Variants in ST6GALNAC3 observed in about 807,000 individuals in gnomAD.
ST6GALNAC3 encodes ST6 N-acetylgalactosaminide alpha-2,6-sialyltransferase 3.
A neutral mutation model predicts 32.7 loss-of-function variants in ST6GALNAC3; 25 were observed. The ratio of observed to expected loss-of-function variants is 0.76; its 90% CI spans 0.56 to 1.07. The LOEUF is 1.07. ST6GALNAC3 is among the 50% of genes least tolerant of loss of function. ST6GALNAC3 has a pLI of 0.00. For synonymous variants in ST6GALNAC3, 129 were observed against 133.1 expected, an observed-to-expected ratio of 0.97 and a Z score of 0.21; for missense variants, 355 against 382.4, an observed-to-expected ratio of 0.93 and a Z score of 0.60.
intron 3 of ST6GALNAC3, among the ~76,000 whole-genome samples, chr1:76,498,905 A>T (rs1001597441): frequency 6.6e-6 from 1 of 152,190 alleles, no homozygotes; most frequent in Non-Finnish European, 1.5e-5. Flanking sequence ...AAAAAGAAAG[A>T]TAAATTTGAT....
intron 1 of ST6GALNAC3, among the ~76,000 whole-genome samples, chr1:76,190,271 A>G (rs1453859359): frequency 1.3e-5 from 2 of 152,130 alleles, no homozygotes; most frequent in Non-Finnish European, 2.9e-5. Flanking sequence ...AGGCTCAGAG[A>G]TAGGAAGAAA....
At chr1:76,124,014 G>T (rs1649069541) in intron 1 of ST6GALNAC3, among the ~76,000 whole-genome samples, 1 of 151,898 alleles carries the variant, frequency 6.6e-6, no homozygotes, top group Non-Finnish European at 1.5e-5. Flanking sequence ...GCTTCCCAAA[G>T]TGTTGGGATT....
chr1:76,145,748 A>G (rs907529881), intron 1 of ST6GALNAC3, among the ~76,000 whole-genome samples: 1 of 152,190 alleles, frequency 6.6e-6, no homozygotes, highest in Non-Finnish European at 1.5e-5. Flanking sequence ...GATAAATAAG[A>G]ATTTACATGA....
chr1:76,196,576 C>T (rs1445554660), intron 1 of ST6GALNAC3, among the ~76,000 whole-genome samples: 1 of 151,940 alleles, frequency 6.6e-6, no homozygotes, highest in Non-Finnish European at 1.5e-5. Flanking sequence ...AGCGATTCTC[C>T]CACGTCAGCC....
intron 3 of ST6GALNAC3, among the ~76,000 whole-genome samples, chr1:76,571,678 G>C (rs1333193720): frequency 6.6e-6 from 1 of 152,078 alleles, no homozygotes; most frequent in Non-Finnish European, 1.5e-5. Context: ...CTATGCCTGA[G>C]TGAGTTGAGT....
At chr1:76,521,007 T>C (rs185824876) in intron 3 of ST6GALNAC3, among the ~76,000 whole-genome samples, 218 of 152,202 alleles carry the variant, frequency 1.4e-3, no homozygotes, top group Middle Eastern at 0.01. Context: ...TTCTTTCTTT[T>C]AGATTAATCA....
At chr1:76,216,749 G>A (rs1417872673) in intron 1 of ST6GALNAC3, among the ~76,000 whole-genome samples, 2 of 152,174 alleles carry the variant, frequency 1.3e-5, no homozygotes, top group Non-Finnish European at 2.9e-5. Context: ...AGTGTAATTT[G>A]TTTCTTCTGT....
chr1:76,180,696 A>C (rs894447891), intron 1 of ST6GALNAC3, among the ~76,000 whole-genome samples: 1 of 152,150 alleles, frequency 6.6e-6, no homozygotes, highest in Non-Finnish European at 1.5e-5. Flanking sequence ...AGAGCGCCTG[A>C]ATGTCAGCAG....
At chr1:76,215,182 G>A (rs552474067) in intron 1 of ST6GALNAC3, among the ~76,000 whole-genome samples, 1 of 152,246 alleles carries the variant, frequency 6.6e-6, no homozygotes, top group South Asian at 2.1e-4. Context: ...AGGGACCTTA[G>A]TAGACAAAAA....
intron 1 of ST6GALNAC3, among the ~76,000 whole-genome samples, chr1:76,125,590 C>G (rs982720910): frequency 6.6e-6 from 1 of 152,184 alleles, no homozygotes; most frequent in Non-Finnish European, 1.5e-5. Context: ...ACAAAGCATC[C>G]TTTGTCATCC....
At chr1:76,324,249 T>C (rs1238852497) in intron 2 of ST6GALNAC3, among the ~76,000 whole-genome samples, 1 of 152,182 alleles carries the variant, frequency 6.6e-6, no homozygotes, top group Non-Finnish European at 1.5e-5. Context: ...TAGATAAATA[T>C]ATTGTTTGGA....
In ST6GALNAC3 at chr1:76,630,866, G is replaced by A; in HGVS notation, c.*2060G>A. The stretch of plus-strand genomic sequence containing the variant: ...ATGCCCACTCAAAGAAAAATAAACA[G>A]AGACAAATGTTAAAATTGCCATACA... On this transcript the variant is annotated 3_prime_UTR_variant, in exon 5 of 5. Coordinates refer to ENST00000328299, the MANE Select transcript of ST6GALNAC3 (RefSeq NM_152996.4). 1.0e-6 allele frequency: 1 copy of A among 985,638 alleles called. No homozygotes were observed. Among genetic ancestry groups the A allele is most frequent in the Non-Finnish European group, 1.2e-6 (1 of 829,826 alleles). The allele number at this position is 985,638 out of a possible 1,614,324, so 61.1% of individuals were successfully genotyped here. A position where few individuals can be genotyped will look rare whatever the true frequency, so the allele number is the denominator to read the frequency against.
intron 2 of ST6GALNAC3, among the ~76,000 whole-genome samples, chr1:76,341,659 T>C (rs1307801793): frequency 1.4e-5 from 2 of 146,926 alleles, no homozygotes; most frequent in South Asian, 4.3e-4. Flanking sequence ...CTTTCTTTCT[T>C]TCTTTCTTTC....
chr1:76,099,950 A>G (rs1647190702), intron 1 of ST6GALNAC3, among the ~76,000 whole-genome samples: 2 of 152,086 alleles, frequency 1.3e-5, no homozygotes, highest in Admixed American at 6.6e-5. Context: ...TTTTGCTTTT[A>G]TGTAGAAATT....
intron 3 of ST6GALNAC3, among the ~76,000 whole-genome samples, chr1:76,595,193 T>C (rs1156380636): frequency 6.6e-6 from 1 of 152,150 alleles, no homozygotes; most frequent in Non-Finnish European, 1.5e-5. Flanking sequence ...ACAGACATAA[T>C]GCCGAAAGCC....
At position 76,461,912 on chromosome 1, in the gene ST6GALNAC3, G is replaced by A. The variant is rs528109002; in HGVS notation, c.623+49495G>A. Among the ~76,000 whole-genome samples, 4 of 152,216 alleles carry A rather than the reference G, an allele frequency of 2.6e-5. No individual in the cohort carries two copies. In the South Asian group the frequency reaches 8.3e-4, roughly 32 times the overall value. ...AAAGCAGAATAAGGATCCAGACTTAGGTAAACTGACCACAGTTCTGAAAAA... is the reference window on the plus strand; with the variant it reads ...AAAGCAGAATAAGGATCCAGACTTAAGTAAACTGACCACAGTTCTGAAAAA... On this transcript the variant is annotated intron_variant, in intron 3 of 4. Transcript: ENST00000328299.
intron 3 of ST6GALNAC3, among the ~76,000 whole-genome samples, chr1:76,540,390 C>T (rs770139849): frequency 5.3e-5 from 8 of 151,698 alleles, no homozygotes; most frequent in African/African-American, 9.7e-5. Flanking sequence ...ACTTAGAGGA[C>T]GGATCAATAG....
At chr1:76,193,475 C>T (rs765099289) in intron 1 of ST6GALNAC3, among the ~76,000 whole-genome samples, 47 of 152,062 alleles carry the variant, frequency 3.1e-4, no homozygotes, top group Non-Finnish European at 5.1e-4. Context: ...AACATAACTA[C>T]GGTATATTTA....
chr1:76,112,393 G>T (rs559401358), intron 1 of ST6GALNAC3, among the ~76,000 whole-genome samples: 1 of 146,764 alleles, frequency 6.8e-6, no homozygotes, highest in South Asian at 2.1e-4. Context: ...CCTCCTTCCC[G>T]GACTGGGCGG....
Sources: allele counts gnomAD v4.1 joint callset (sites outside exome capture counted in the v4.1 genomes callset), GRCh38; gene constraint gnomAD v4.1.1; transcripts MANE v1.5; gene names NCBI Gene and HGNC (gene_info 2026-07-23, HGNC 2026-07-21).